KIAA0753: variants seen among roughly 807,000 people sequenced by gnomAD.
KIAA0753 encodes the protein protein moonraker.
A neutral mutation model predicts 116.9 loss-of-function variants in KIAA0753; 114 were observed. The ratio of observed to expected loss-of-function variants is 0.98; its 90% CI spans 0.84 to 1.14. The LOEUF is 1.14. KIAA0753 is among the 50% of genes most tolerant of loss of function. KIAA0753 has a pLI of 0.00. For missense variants in KIAA0753, 1,156 were observed against 1,172.4 expected, an observed-to-expected ratio of 0.99 and a Z score of 0.20; for synonymous variants, 405 against 413.1, an observed-to-expected ratio of 0.98 and a Z score of 0.24.
intron 14 of KIAA0753, among the ~76,000 whole-genome samples, chr17:6,596,836 C>G (rs889520582): frequency 2.0e-5 from 3 of 152,174 alleles, no homozygotes; most frequent in African/African-American, 7.2e-5. Context: ...CTTTCTTGAC[C>G]TGGTATGTTG....
At chr17:6,631,565 T>C (rs1382259102) in intron 2 of KIAA0753, among the ~76,000 whole-genome samples, 4 of 151,810 alleles carry the variant, frequency 2.6e-5, no homozygotes, top group Non-Finnish European at 5.9e-5. Flanking sequence ...GAAAGATACA[T>C]AGACAGCAAG....
At chr17:6,615,183 C>T (rs1489882757) in intron 7 of KIAA0753, among the ~76,000 whole-genome samples, 1 of 152,212 alleles carries the variant, frequency 6.6e-6, no homozygotes, top group Non-Finnish European at 1.5e-5. Context: ...GATCCACCCA[C>T]CTCAGCCTCC....
chr17:6,590,717 G>A, intron 16 of KIAA0753, 87 bp from the exon 17 acceptor site: 5 of 1,450,086 alleles, frequency 3.4e-6, no homozygotes, highest in Non-Finnish European at 4.8e-6. Context: ...GAACCTGAGA[G>A]CAAGTTACAT....
In KIAA0753 at chr17:6,611,952, C is replaced by G; in HGVS notation, c.1512G>C (p.Arg504Ser). The change falls in exon 8 of 19, where the codon AGG becomes AGC. Residue 504 changes from arginine to serine, a missense_variant. Coordinates refer to ENST00000361413, the MANE Select transcript of KIAA0753 (RefSeq NM_014804.3). ...KKPVTENVPF[R>S]KKDTLAPARQ... Reference sequence around the variant, plus strand: ...TTGCTGGCGCCAGAGTATCTTTCTTCCTAAACGGCACATTCTCAGTCACAG... The same window carrying G: ...TTGCTGGCGCCAGAGTATCTTTCTTGCTAAACGGCACATTCTCAGTCACAG... 1.2e-6 allele frequency: 2 copies of G among 1,614,086 alleles called. No homozygotes were observed. The highest frequency in any genetic ancestry group is 2.2e-5 in the South Asian group (2 of 91,078).
In KIAA0753 at chr17:6,593,086, A is replaced by G. The variant is rs148756461; in HGVS notation, c.2440+1886T>C. Among the ~76,000 whole-genome samples, 50 of 152,330 alleles carry G rather than the reference A, an allele frequency of 3.3e-4. No individual in the cohort carries two copies. In the East Asian group the frequency reaches 6.7e-3, roughly 21 times the overall value. The stretch of plus-strand genomic sequence containing the variant: ...TTATCTCCTTAAAATTATTTTAGAA[A>G]AACAACAAAACAAACAAAAACATGT... On this transcript the variant is annotated intron_variant, in intron 16 of 18. Coordinates refer to ENST00000361413, the MANE Select transcript of KIAA0753 (RefSeq NM_014804.3).
chr17:6,602,559 G>A (rs75467472), intron 12 of KIAA0753, among the ~76,000 whole-genome samples: 4,134 of 152,280 alleles, frequency 0.027, 182 homozygotes, highest in African/African-American at 0.09. Context: ...GTCTGAACAG[G>A]CAAAGCTACT....
intron 13 of KIAA0753, among the ~76,000 whole-genome samples, chr17:6,600,085 G>A (rs1171758551): frequency 1.3e-5 from 2 of 152,122 alleles, no homozygotes; most frequent in East Asian, 3.9e-4. Flanking sequence ...AGCTGCTAAT[G>A]GAACACTAAC....
intron 16 of KIAA0753, among the ~76,000 whole-genome samples, chr17:6,591,067 A>AGGAAGAAGGAAGAAG (rs35165816): frequency 1.6e-5 from 1 of 63,040 alleles, no homozygotes; most frequent in Admixed American, 2.0e-4. Flanking sequence ...AAGAAGAAGA[A>AGGAAGAAGGAAGAAG]GAAGAAGAAG....
At chr17:6,623,479 A>C (rs1052727390) in intron 5 of KIAA0753, 30 bp downstream of exon 5, 2 of 1,518,836 alleles carry the variant, frequency 1.3e-6, no homozygotes, top group Non-Finnish European at 1.8e-6. Context: ...TTTATAAGCA[A>C]GTATTGATCA....
At chr17:6,625,091 T>A (rs1242258414) in intron 3 of KIAA0753, among the ~76,000 whole-genome samples, 3 of 152,206 alleles carry the variant, frequency 2.0e-5, no homozygotes, top group Non-Finnish European at 4.4e-5. Flanking sequence ...ATTTACTCCA[T>A]CAAGCTCCCC....
At chr17:6,590,038 A>T in intron 17 of KIAA0753, 35 bp from the exon 18 acceptor site, 4 of 1,445,352 alleles carry the variant, frequency 2.8e-6, no homozygotes, top group Non-Finnish European at 3.7e-6. Flanking sequence ...AGCATTCAAG[A>T]TCATCTGTAA....
At chr17:6,592,537 A>G (rs981629273) in intron 16 of KIAA0753, among the ~76,000 whole-genome samples, 1 of 152,214 alleles carries the variant, frequency 6.6e-6, no homozygotes, top group Non-Finnish European at 1.5e-5. Context: ...AAATACATAT[A>G]TATACATTTT....
rs201209190 is a variant in KIAA0753 at position 6,595,034 on chromosome 17, C to A, written c.2378G>T (p.Arg793Leu). ...EEMEKYQESV[R>L]QRYNKIAYAD... ...ATATGCGATTTTATTATATCTTTGA[C>A]GAACAGACTCCTGGTATTTCTTTAA... The change falls in exon 16 of 19, where the codon CGT becomes CTT. Residue 793 changes from arginine to leucine, a missense_variant. Transcript: ENST00000361413. The A allele has an allele frequency of 3.1e-6, 5 of 1,607,670 alleles. No individual in the cohort carries two copies. In the South Asian group the frequency reaches 4.4e-5, roughly 14 times the overall value.
chr17:6,607,279 C>T lies in KIAA0753; in HGVS notation c.1830-9G>A, dbSNP rs368246031. 18 of 1,613,312 alleles carry T rather than the reference C, an allele frequency of 1.1e-5. No individual in the cohort carries two copies. The African/African-American group carries it at 2.1e-4, about 19-fold the overall frequency. ...CATCAAGCCAAGCGAGCCTAGCAGA[C>T]AGTCAAAAGAGTCAAACCAATTCTG... is the stretch of plus-strand genomic sequence containing the variant. On this transcript the variant is annotated splice_polypyrimidine_tract_variant and intron_variant, in intron 10 of 18. Coordinates refer to ENST00000361413, the MANE Select transcript of KIAA0753 (RefSeq NM_014804.3).
chr17:6,595,563 C>G (rs943867841), intron 15 of KIAA0753, among the ~76,000 whole-genome samples: 2 of 152,106 alleles, frequency 1.3e-5, no homozygotes, highest in African/African-American at 4.8e-5. Context: ...AATCATGGTG[C>G]GATGGAAAAG....
intron 18 of KIAA0753, among the ~76,000 whole-genome samples, chr17:6,589,140 C>T (rs544245983): frequency 3.3e-5 from 5 of 152,260 alleles, no homozygotes; most frequent in African/African-American, 1.2e-4. Flanking sequence ...ATGTTGAAGC[C>T]CTAACCCCCA....
Position 6,579,862 on chromosome 17 carries a change from A to G in KIAA0753, c.2789T>C (p.Phe930Ser). 2.5e-6 allele frequency: 4 copies of G among 1,610,516 alleles called. No homozygotes were observed. The highest frequency in any genetic ancestry group is 3.4e-6 in the Non-Finnish European group (4 of 1,177,238). Residue 930 changes from phenylalanine to serine, a missense_variant and splice_region_variant, in exon 19 of 19, where the codon TTT becomes TCT. By Grantham distance (155) the Phe-to-Ser change is radical. Coordinates refer to ENST00000361413, the MANE Select transcript of KIAA0753 (RefSeq NM_014804.3). ...AGCTTCATCTACCAGCTCTTCTGAAAAGCTGGAAGACAAACAACACAACTA... is the reference window on the plus strand; with the variant it reads ...AGCTTCATCTACCAGCTCTTCTGAAGAGCTGGAAGACAAACAACACAACTA... ...SFNPWLIAES[F>S]SEELVDEALG...
intron 3 of KIAA0753, among the ~76,000 whole-genome samples, chr17:6,625,211 CT>C (rs772063046): frequency 6.6e-6 from 1 of 152,092 alleles, no homozygotes; most frequent in African/African-American, 2.4e-5. Context: ...TTTTCAAAAA[CT>C]TTTTATTGGC....
chr17:6,595,159 G>A (rs1253774522), intron 15 of KIAA0753, 106 bp from the exon 16 acceptor site: 2 of 727,630 alleles, frequency 2.7e-6, no homozygotes, highest in Non-Finnish European at 4.7e-6. Flanking sequence ...TGATACGGAC[G>A]TACTGCCAGA....
Sources: allele counts gnomAD v4.1 joint callset (sites outside exome capture counted in the v4.1 genomes callset), GRCh38; gene constraint gnomAD v4.1.1; transcripts MANE v1.5; gene names NCBI Gene and HGNC (gene_info 2026-07-23, HGNC 2026-07-21).